The following C1orf74 variants were observed in gnomAD, a reference collection of about 807,000 sequenced individuals.
C1orf74 encodes UPF0739 protein C1orf74.
In C1orf74, 5 loss-of-function variants were observed where a neutral mutation model predicts 7.3. That is an observed-to-expected ratio of 0.68 (90% confidence interval 0.36 to 1.44). The LOEUF (loss-of-function observed/expected upper bound fraction) is 1.44, where lower values mean the gene tolerates loss of function less well. Among genes scored for constraint, C1orf74 ranks in the 40% most tolerant of loss-of-function variants. The pLI, the probability that C1orf74 is intolerant of heterozygous loss-of-function variation, is 0.04. For missense variants in C1orf74, 291 were observed against 314.3 expected (o/e 0.93, Z 0.56); for synonymous variants, 121 against 132.5 (o/e 0.91, Z 0.59).
Position 209,781,733 on chromosome 1 carries a change from G to C in C1orf74, c.*1092C>G, listed in dbSNP as rs1178228200. 2.1e-6 allele frequency: 1 copy of C among 482,858 alleles called. No individual in the cohort carries two copies. Among genetic ancestry groups the C allele is most frequent in the Non-Finnish European group, 3.7e-6 (1 of 268,298 alleles). The allele number at this position is 482,858 out of a possible 1,614,324, so 29.9% of individuals were successfully genotyped here. A position where few individuals can be genotyped will look rare whatever the true frequency, so the allele number is the denominator to read the frequency against. On this transcript the variant is annotated 3_prime_UTR_variant, in exon 2 of 2. Transcript: ENST00000294811. ...GTTCTTTTAGCCGATGATAAGCATG[G>C]TGGCAAGAACAGAAGGACACAAAAG... is the stretch of plus-strand genomic sequence containing the variant.
In C1orf74 at chr1:209,784,500, G is replaced by A. The variant is rs898006672; in HGVS notation, c.-198C>T. On this transcript the variant is annotated 5_prime_UTR_variant, in exon 1 of 2. Coordinates refer to ENST00000294811, the MANE Select transcript of C1orf74 (RefSeq NM_152485.4). ...GCAAGTAACACTGGAAAACCCGCCT[G>A]CGCTGGGAAGACCCTCGCAGCCCGC... The A allele has an allele frequency of 6.6e-6, 1 of 152,268 alleles. No individual in the cohort carries two copies. The highest frequency in any genetic ancestry group is 1.5e-5 in the Non-Finnish European group (1 of 68,058). 9.4% of individuals were successfully genotyped at this position (152,268 alleles called of 1,614,324 possible). A position where few individuals can be genotyped will look rare whatever the true frequency, so the allele number is the denominator to read the frequency against.
chr1:209,780,411 A>C lies in C1orf74; in HGVS notation c.*2414T>G. Reference sequence around the variant, plus strand: ...CCCCACTCCTAGTGGTTTCACCCTCAGGGCCCTTCCTCAGAGGTGTGGGCC... The same window carrying C: ...CCCCACTCCTAGTGGTTTCACCCTCCGGGCCCTTCCTCAGAGGTGTGGGCC... On this transcript the variant is annotated 3_prime_UTR_variant, in exon 2 of 2. Coordinates refer to ENST00000294811, the MANE Select transcript of C1orf74 (RefSeq NM_152485.4). 1 of 1,427,526 alleles carries C rather than the reference A, an allele frequency of 7.0e-7. No homozygotes were observed. Among genetic ancestry groups the C allele is most frequent in the Non-Finnish European group, 9.3e-7 (1 of 1,076,756 alleles). 88.4% of individuals were successfully genotyped at this position (1,427,526 alleles called of 1,614,324 possible).
chr1:209,780,482 C>A lies in C1orf74; in HGVS notation c.*2343G>T. The A allele has an allele frequency of 6.3e-7, 1 of 1,591,840 alleles. No homozygotes were observed. Among genetic ancestry groups the A allele is most frequent in the South Asian group, 1.1e-5 (1 of 88,570 alleles). ...GCTGCTTTTTTAGATCAGGCTTTGC[C>A]CGTGTGGAGTCCAAAGTCCTTCCCT... On this transcript the variant is annotated 3_prime_UTR_variant, in exon 2 of 2. Coordinates refer to ENST00000294811, the MANE Select transcript of C1orf74 (RefSeq NM_152485.4).
At position 209,782,141 on chromosome 1, in the gene C1orf74, T is replaced by C. The variant is rs1201569850; in HGVS notation, c.*684A>G. The C allele has an allele frequency of 1.2e-6, 2 of 1,613,530 alleles. No individual in the cohort carries two copies. The highest frequency in any genetic ancestry group is 1.7e-6 in the Non-Finnish European group (2 of 1,179,528). On this transcript the variant is annotated 3_prime_UTR_variant, in exon 2 of 2. Coordinates refer to ENST00000294811, the MANE Select transcript of C1orf74 (RefSeq NM_152485.4). ...TTCCTGGCCAATAAAGACAACCTGATGATCTGAATAATTTGTGACAACTGC... is the reference window on the plus strand; with the variant it reads ...TTCCTGGCCAATAAAGACAACCTGACGATCTGAATAATTTGTGACAACTGC...
At position 209,780,381 on chromosome 1, in the gene C1orf74, C is replaced by T; in HGVS notation, c.*2444G>A. 1 of 1,290,034 alleles carries T rather than the reference C, an allele frequency of 7.8e-7. No individual in the cohort carries two copies. Among genetic ancestry groups the T allele is most frequent in the African/African-American group, 1.5e-5 (1 of 65,742 alleles). 79.9% of individuals were successfully genotyped at this position (1,290,034 alleles called of 1,614,324 possible). On this transcript the variant is annotated 3_prime_UTR_variant, in exon 2 of 2. Coordinates refer to ENST00000294811, the MANE Select transcript of C1orf74 (RefSeq NM_152485.4). ...GAGCACGCCCTCCCAAGTTCCCTCC[C>T]CTCTCCCCACTCCTAGTGGTTTCAC... is the stretch of plus-strand genomic sequence containing the variant.
Position 209,779,280 on chromosome 1 carries a change from G to T in C1orf74, c.*3545C>A. 6.3e-7 allele frequency: 1 copy of T among 1,598,822 alleles called. No individual in the cohort carries two copies. The highest frequency in any genetic ancestry group is 8.6e-7 in the Non-Finnish European group (1 of 1,167,044). ...AAAGAAAACTTTTTGTAGTAAATAT[G>T]CTAGCATAGACAAGTTCCTTGTGTT... On this transcript the variant is annotated 3_prime_UTR_variant, in exon 2 of 2. Transcript: ENST00000294811.
Position 209,781,558 on chromosome 1 carries a change from G to A in C1orf74, c.*1267C>T. 1 of 809,668 alleles carries A rather than the reference G, an allele frequency of 1.2e-6. No individual in the cohort carries two copies. The highest frequency in any genetic ancestry group is 2.0e-5 in the Admixed American group (1 of 49,552). 50.2% of individuals were successfully genotyped at this position (809,668 alleles called of 1,614,324 possible). A position where few individuals can be genotyped will look rare whatever the true frequency, so the allele number is the denominator to read the frequency against. ...AATATATCAGCCCACGCCAACAACT[G>A]GCCATCCTGTCCCACTGTGCTTGGT... On this transcript the variant is annotated 3_prime_UTR_variant, in exon 2 of 2. Coordinates refer to ENST00000294811, the MANE Select transcript of C1orf74 (RefSeq NM_152485.4).
In C1orf74 at chr1:209,781,776, A is replaced by T. The variant is rs2077786415; in HGVS notation, c.*1049T>A. ...CACAAAAGTACTGGGGAATACAAAG[A>T]AAGAATATAATTTTGCTGGGTTATT... On this transcript the variant is annotated 3_prime_UTR_variant, in exon 2 of 2. Coordinates refer to ENST00000294811, the MANE Select transcript of C1orf74 (RefSeq NM_152485.4). The T allele has an allele frequency of 2.0e-6, 1 of 499,514 alleles. No individual in the cohort carries two copies. Among genetic ancestry groups the T allele is most frequent in the African/African-American group, 1.9e-5 (1 of 51,964 alleles). 30.9% of individuals were successfully genotyped at this position (499,514 alleles called of 1,614,324 possible).
In C1orf74 at chr1:209,779,911, G is replaced by A; in HGVS notation, c.*2914C>T. 1 of 180,710 alleles carries A rather than the reference G, an allele frequency of 5.5e-6. No individual in the cohort carries two copies. Among genetic ancestry groups the A allele is most frequent in the Non-Finnish European group, 1.2e-5 (1 of 85,510 alleles). 11.2% of individuals were successfully genotyped at this position (180,710 alleles called of 1,614,324 possible). ...AGAAATTTTTATGCTCACAGAGTAT[G>A]GATAAGAACATGAAAGTCTATGGTG... On this transcript the variant is annotated 3_prime_UTR_variant, in exon 2 of 2. Transcript: ENST00000294811.
In C1orf74 at chr1:209,779,445, A is replaced by G; in HGVS notation, c.*3380T>C. The G allele has an allele frequency of 1.5e-6, 2 of 1,355,190 alleles. No individual in the cohort carries two copies. Among genetic ancestry groups the G allele is most frequent in the Non-Finnish European group, 2.1e-6 (2 of 946,384 alleles). 83.9% of individuals were successfully genotyped at this position (1,355,190 alleles called of 1,614,324 possible). On this transcript the variant is annotated 3_prime_UTR_variant, in exon 2 of 2. Transcript: ENST00000294811. ...TACCTGCCTAGAGGCAGCGGGATGG[A>G]CTACATGACCTCCTGGAGTCCCAGC... is the stretch of plus-strand genomic sequence containing the variant.
Position 209,779,242 on chromosome 1 carries a change from A to G in C1orf74, c.*3583T>C, listed in dbSNP as rs111673292. ...AACATATTTAATAACCAAGGTTCTA[A>G]GCAAAGTTCTGAAAAGAAAACTTTT... is the stretch of plus-strand genomic sequence containing the variant. On this transcript the variant is annotated 3_prime_UTR_variant, in exon 2 of 2. Coordinates refer to ENST00000294811, the MANE Select transcript of C1orf74 (RefSeq NM_152485.4). The G allele has an allele frequency of 2.9e-5, 37 of 1,285,310 alleles. No individual in the cohort carries two copies. The African/African-American group carries it at 3.1e-4, about 11-fold the overall frequency. 79.6% of individuals were successfully genotyped at this position (1,285,310 alleles called of 1,614,324 possible). A position where few individuals can be genotyped will look rare whatever the true frequency, so the allele number is the denominator to read the frequency against.
In C1orf74 at chr1:209,780,634, G is replaced by A. The variant is rs763534933; in HGVS notation, c.*2191C>T. On this transcript the variant is annotated 3_prime_UTR_variant, in exon 2 of 2. Transcript: ENST00000294811. Reference sequence around the variant, plus strand: ...GAGAGGGTGACCTGAGATAGTGAGGGCTCATTTGCGAAATAGCAGAGAAAC... The same window carrying A: ...GAGAGGGTGACCTGAGATAGTGAGGACTCATTTGCGAAATAGCAGAGAAAC... 2 of 1,497,212 alleles carry A rather than the reference G, an allele frequency of 1.3e-6. No individual in the cohort carries two copies. The highest frequency in any genetic ancestry group is 1.4e-5 in the African/African-American group (1 of 70,394). 92.7% of individuals were successfully genotyped at this position (1,497,212 alleles called of 1,614,324 possible).
chr1:209,783,739 T>A, intron 1 of C1orf74, 30 bp from the exon 2 acceptor site: 2 of 934,580 alleles, frequency 2.1e-6, no homozygotes, highest in Non-Finnish European at 3.2e-6. Flanking sequence ...AGGGAATTAT[T>A]AACAGCCTTC....
At position 209,783,062 on chromosome 1, in the gene C1orf74, A is replaced by G; in HGVS notation, c.573T>C (p.Asp191=). The G allele has an allele frequency of 6.2e-7, 1 of 1,614,192 alleles. No homozygotes were observed. The highest frequency in any genetic ancestry group is 8.5e-7 in the Non-Finnish European group (1 of 1,180,028). Reference sequence around the variant, plus strand: ...GTGGAGTCAGAGCTAAGCAGTTGTCATCTCCCTGGTTCAGGTGAAAGGTAT... The same window carrying G: ...GTGGAGTCAGAGCTAAGCAGTTGTCGTCTCCCTGGTTCAGGTGAAAGGTAT... The part of the protein sequence containing the change: ...VPYTFHLNQG[D]DNCLALTPLR... Residue 191 remains aspartate (D), a synonymous_variant, in exon 2 of 2, where the codon GAT becomes GAC. Transcript: ENST00000294811.
intron 1 of C1orf74, 59 bp downstream of exon 1, chr1:209,784,319 C>CA (rs776260878): frequency 2.6e-5 from 4 of 152,260 alleles, no homozygotes; most frequent in African/African-American, 7.2e-5. Context: ...ATCCACACAC[C>CA]CCACACCAGA....
Position 209,782,019 on chromosome 1 carries a change from C to A in C1orf74, c.*806G>T, listed in dbSNP as rs1281565043. 3 of 1,547,060 alleles carry A rather than the reference C, an allele frequency of 1.9e-6. No homozygotes were observed. The highest frequency in any genetic ancestry group is 2.7e-6 in the Non-Finnish European group (3 of 1,119,008). On this transcript the variant is annotated 3_prime_UTR_variant, in exon 2 of 2. Transcript: ENST00000294811. Reference sequence around the variant, plus strand: ...TTGCCTATATCTTTTCCAATCCACTCATGGCCACTTTCTTCTGTCTCCCTG... The same window carrying A: ...TTGCCTATATCTTTTCCAATCCACTAATGGCCACTTTCTTCTGTCTCCCTG...
rs2077735857 is a variant in C1orf74 at position 209,779,676 on chromosome 1, A to T, written c.*3149T>A. The T allele has an allele frequency of 1.7e-6, 1 of 601,092 alleles. No individual in the cohort carries two copies. The highest frequency in any genetic ancestry group is 2.0e-5 in the South Asian group (1 of 49,470). The allele number at this position is 601,092 out of a possible 1,614,324, so 37.2% of individuals were successfully genotyped here. Reference sequence around the variant, plus strand: ...CTCAGGATTTCATGTCAATTTTTACACACTTGATTTTCCAAATCACATCCA... The same window carrying T: ...CTCAGGATTTCATGTCAATTTTTACTCACTTGATTTTCCAAATCACATCCA... On this transcript the variant is annotated 3_prime_UTR_variant, in exon 2 of 2. Transcript: ENST00000294811.
Position 209,782,987 on chromosome 1 carries a change from G to A in C1orf74, c.648C>T (p.Ile216=), listed in dbSNP as rs2077806748. ...CTGGGACACTAAAAGAATAGAGCAG[G>A]ATTGGGGGTTGACCTAGCAACCATG... ...RISWLLGQPP[I]LLYSFSVPES... Residue 216 remains isoleucine (I), a synonymous_variant, in exon 2 of 2, where the codon ATC becomes ATT. Coordinates refer to ENST00000294811, the MANE Select transcript of C1orf74 (RefSeq NM_152485.4). The A allele has an allele frequency of 1.9e-6, 3 of 1,614,184 alleles. No individual in the cohort carries two copies. Among genetic ancestry groups the A allele is most frequent in the Admixed American group, 1.7e-5 (1 of 60,020 alleles).
Position 209,782,556 on chromosome 1 carries a change from CTTCT to C in C1orf74, c.*265_*268del, listed in dbSNP as rs1455566710. 11 of 519,406 alleles carry C rather than the reference CTTCT, an allele frequency of 2.1e-5. No individual in the cohort carries two copies. Among genetic ancestry groups the C allele is most frequent in the Admixed American group, 6.9e-5 (2 of 29,182 alleles). 32.2% of individuals were successfully genotyped at this position (519,406 alleles called of 1,614,324 possible). ...CTGCTTTTCCTCTATCATCTCCTTC[CTTCT>C]ATCTTTTATCCAGTGAAAATGAAAA... On this transcript the variant is annotated 3_prime_UTR_variant, in exon 2 of 2. Coordinates refer to ENST00000294811, the MANE Select transcript of C1orf74 (RefSeq NM_152485.4).
Sources: allele counts gnomAD v4.1 joint callset, GRCh38; gene constraint gnomAD v4.1.1; transcripts MANE v1.5; gene names NCBI Gene and HGNC (gene_info 2026-07-23, HGNC 2026-07-21).